The following PCDHGA5 variants were observed in gnomAD, a reference collection of about 807,000 sequenced individuals.
PCDHGA5 encodes the protein protocadherin gamma-A5.
A neutral mutation model predicts 56.7 loss-of-function variants in PCDHGA5; 36 were observed. The ratio of observed to expected loss-of-function variants is 0.64; its 90% CI spans 0.49 to 0.84. The LOEUF is 0.84. Among genes scored for constraint, PCDHGA5 ranks in the 40% least tolerant of loss-of-function variants. The pLI is 0.00. For missense variants in PCDHGA5, 1,305 were observed against 1,201.5 expected, an observed-to-expected ratio of 1.09 and a Z score of -1.27; for synonymous variants, 563 against 520.2, an observed-to-expected ratio of 1.08 and a Z score of -1.12.
At chr5:141,464,137 C>T (rs1015442185) in intron 1 of PCDHGA5, among the ~76,000 whole-genome samples, 9 of 151,928 alleles carry the variant, frequency 5.9e-5, no homozygotes, top group Non-Finnish European at 7.4e-5. Context: ...TGGTGGTGGG[C>T]GCCTGTAGTC....
chr5:141,491,047 G>A lies in PCDHGA5; in HGVS notation c.2422-3760G>A, dbSNP rs751761240. On this transcript the variant is annotated intron_variant, in intron 1 of 3. Coordinates refer to ENST00000518069, the MANE Select transcript of PCDHGA5 (RefSeq NM_018918.3). The surrounding 1 kb of genome is among the most constrained non-coding windows in gnomAD (Gnocchi z 6.9). Reference sequence around the variant, plus strand: ...CGTGGATGCTGATGCAGGCCACAATGCGTGGCTCTCCTACTCACTGTTGCC... The same window carrying A: ...CGTGGATGCTGATGCAGGCCACAATACGTGGCTCTCCTACTCACTGTTGCC... 4 of 1,614,054 alleles carry A rather than the reference G, an allele frequency of 2.5e-6. No homozygotes were observed. Among genetic ancestry groups the A allele is most frequent in the Non-Finnish European group, 3.4e-6 (4 of 1,180,034 alleles).
At chr5:141,380,386 G>A (rs1776453740) in intron 1 of PCDHGA5, among the ~76,000 whole-genome samples, 1 of 152,168 alleles carries the variant, frequency 6.6e-6, no homozygotes. Flanking sequence ...AAAAAGAAAA[G>A]AGAGAAGATA....
chr5:141,416,859 G>A (rs1411419006), intron 1 of PCDHGA5: 1 of 151,936 alleles, frequency 6.6e-6, no homozygotes, highest in South Asian at 2.1e-4. Context: ...ATTTTTTTCA[G>A]GTCAGTCAAC....
At chr5:141,390,025 G>A (rs762363185) in intron 1 of PCDHGA5, 2 of 1,613,882 alleles carry the variant, frequency 1.2e-6, no homozygotes, top group African/African-American at 1.3e-5. Flanking sequence ...TTGCGCCTGC[G>A]ACGCTCCTCC....
intron 1 of PCDHGA5, among the ~76,000 whole-genome samples, chr5:141,402,580 TA>T (rs2094282125): frequency 6.6e-6 from 1 of 152,226 alleles, no homozygotes; most frequent in Admixed American, 6.5e-5. Context: ...CTCAGATATC[TA>T]AAAAATAGAT....
intron 1 of PCDHGA5, among the ~76,000 whole-genome samples, chr5:141,462,448 G>A (rs1435453503): frequency 6.6e-6 from 1 of 152,022 alleles, no homozygotes; most frequent in Non-Finnish European, 1.5e-5. Context: ...ACACAACTGT[G>A]TAACTGAAAA....
chr5:141,491,612 G>A lies in PCDHGA5; in HGVS notation c.2422-3195G>A, dbSNP rs759955730. ...GACGGCAGTGACTTCACTTTTCTAAGACCCCTCAGCGTTCAGCAGCCCACA... is the reference window on the plus strand; with the variant it reads ...GACGGCAGTGACTTCACTTTTCTAAAACCCCTCAGCGTTCAGCAGCCCACA... On this transcript the variant is annotated intron_variant, in intron 1 of 3. Coordinates refer to ENST00000518069, the MANE Select transcript of PCDHGA5 (RefSeq NM_018918.3). The surrounding 1 kb of genome is among the most constrained non-coding windows in gnomAD (Gnocchi z 6.9). 6.2e-7 allele frequency: 1 copy of A among 1,613,906 alleles called. No individual in the cohort carries two copies. The highest frequency in any genetic ancestry group is 8.5e-7 in the Non-Finnish European group (1 of 1,180,026).
chr5:141,399,443 G>A, intron 1 of PCDHGA5: 1 of 1,614,018 alleles, frequency 6.2e-7, no homozygotes, highest in Non-Finnish European at 8.5e-7. Flanking sequence ...CTACATATCA[G>A]AGACGTCAAC....
rs1227487225 is a variant in PCDHGA5, at chr5:141,491,275, G to C, written c.2422-3532G>C. The C allele has an allele frequency of 2.5e-6, 4 of 1,614,082 alleles. 1 individual carries two copies. In the South Asian group the frequency reaches 4.4e-5, roughly 18 times the overall value. On this transcript the variant is annotated intron_variant, in intron 1 of 3. Transcript: ENST00000518069. This position sits in a 1 kb window ranked among gnomAD's most constrained non-coding sequence, Gnocchi z 6.9. Reference sequence around the variant, plus strand: ...CCCTGAGGAAATGCCCAAATCCAGTGACTTCCTCATACACCCTCCTGAGCG... The same window carrying C: ...CCCTGAGGAAATGCCCAAATCCAGTCACTTCCTCATACACCCTCCTGAGCG...
At chr5:141,375,211 T>A in intron 1 of PCDHGA5, 1 of 1,614,010 alleles carries the variant, frequency 6.2e-7, no homozygotes, top group South Asian at 1.1e-5. Context: ...ATCGAGACTC[T>A]GGCCTGAATG....
At position 141,408,901 on chromosome 5, in the gene PCDHGA5, G is replaced by A. The variant is rs529239605; in HGVS notation, c.2421+42150G>A. On this transcript the variant is annotated intron_variant, in intron 1 of 3. Transcript: ENST00000518069. ...CCGCTCACATAGAAATTTCTGTCAA[G>A]GATACCAATGATAACCCCCCGGTTT... 269 of 1,613,216 alleles carry A rather than the reference G, an allele frequency of 1.7e-4. 6 individuals carry two copies. The South Asian group carries it at 2.8e-3, about 17-fold the overall frequency.
intron 1 of PCDHGA5, chr5:141,422,160 A>C: frequency 6.4e-7 from 1 of 1,573,304 alleles, no homozygotes; most frequent in South Asian, 1.2e-5. Context: ...TGGATTTTGA[A>C]AAATATAGAT....
chr5:141,510,272 TAAA>T (rs546154379), intron 3 of PCDHGA5, among the ~76,000 whole-genome samples: 2 of 130,370 alleles, frequency 1.5e-5, no homozygotes, highest in Non-Finnish European at 3.3e-5. Context: ...GACTCCATCT[TAAA>T]AAAAAAAAAA....
At chr5:141,454,977 T>C (rs1357011192) in intron 1 of PCDHGA5, among the ~76,000 whole-genome samples, 6 of 151,508 alleles carry the variant, frequency 4.0e-5, no homozygotes, top group Non-Finnish European at 8.8e-5. Context: ...CTGGCTAATT[T>C]TTTAAAAAAT....
intron 1 of PCDHGA5, chr5:141,418,462 C>G: frequency 1.2e-6 from 2 of 1,613,974 alleles, no homozygotes; most frequent in Non-Finnish European, 8.5e-7. Flanking sequence ...AGACTCTGGA[C>G]CGAGAAACGC....
intron 1 of PCDHGA5, among the ~76,000 whole-genome samples, chr5:141,467,032 T>G (rs551565159): frequency 2.0e-5 from 3 of 152,164 alleles, no homozygotes; most frequent in Non-Finnish European, 2.9e-5. Flanking sequence ...GTTTTTGTTT[T>G]TTGTGTAATG....
chr5:141,489,150 T>C lies in PCDHGA5; in HGVS notation c.2422-5657T>C. The C allele has an allele frequency of 1.7e-5, 15 of 862,654 alleles. No individual in the cohort carries two copies. Among genetic ancestry groups the C allele is most frequent in the Middle Eastern group, 2.5e-4 (1 of 4,044 alleles). 53.4% of individuals were successfully genotyped at this position (862,654 alleles called of 1,614,324 possible). On this transcript the variant is annotated intron_variant, in intron 1 of 3. Transcript: ENST00000518069. The surrounding 1 kb of genome is among the most constrained non-coding windows in gnomAD (Gnocchi z 4.5). ...GTTTTTAAGAGGCTGGAAGGAGACA[T>C]AAGAGACTTCAGCTGCTGCATTCCA...
chr5:141,409,599 C>T (rs753753955), intron 1 of PCDHGA5: 22 of 1,613,822 alleles, frequency 1.4e-5, no homozygotes, highest in Non-Finnish European at 1.8e-5. Flanking sequence ...GAGAACAACC[C>T]GCCAGGAGCC....
chr5:141,504,315 A>G (rs573050088), intron 2 of PCDHGA5, among the ~76,000 whole-genome samples: 1 of 152,248 alleles, frequency 6.6e-6, no homozygotes, highest in East Asian at 1.9e-4. Flanking sequence ...AGTTTCTAAA[A>G]GTCTCACTTA....
Sources: gnomAD v4.1 joint callset for allele counts (sites outside exome capture counted in the v4.1 genomes callset) on GRCh38, gnomAD v4.1.1 for gene constraint, Gnocchi (gnomAD v3.1) non-coding constraint, MANE v1.5 for transcripts, NCBI Gene and HGNC (gene_info 2026-07-23, HGNC 2026-07-21) for gene names.